Variants in GGTA1 observed in about 807,000 individuals in gnomAD.
GGTA1 encodes the protein glycoprotein alpha-galactosyltransferase 1 (inactive).
GGTA1 carries 5 observed loss-of-function variants against 2.6 expected under a neutral mutation model. The ratio of observed to expected loss-of-function variants is 1.92; its 90% CI spans 1.00 to 4.04. The LOEUF (loss-of-function observed/expected upper bound fraction) is 4.04. Among genes scored for constraint, GGTA1 ranks in the 30% most tolerant of loss-of-function variants. GGTA1 has a pLI of 0.00. For missense variants in GGTA1, 50 were observed against 16.7 expected, an observed-to-expected ratio of 2.99 and a Z score of -3.47; for synonymous variants, 17 against 5.0, an observed-to-expected ratio of 3.38 and a Z score of -3.19.
chr9:121,495,489 G>C (rs577834935), intron 1 of GGTA1, among the ~76,000 whole-genome samples: 1 of 152,270 alleles, frequency 6.6e-6, no homozygotes, highest in African/African-American at 2.4e-5. Context: ...GGAGGTTGCA[G>C]TGAGCTGAGA....
chr9:121,448,542 T>C (rs1289915445), intron 7 of GGTA1, among the ~76,000 whole-genome samples: 1 of 152,054 alleles, frequency 6.6e-6, no homozygotes, highest in Admixed American at 6.6e-5. Flanking sequence ...AACTACTTTA[T>C]CTTAAAAAAA....
chr9:121,498,051 T>C (rs992954737), intron 1 of GGTA1, among the ~76,000 whole-genome samples: 5 of 152,224 alleles, frequency 3.3e-5, no homozygotes, highest in Non-Finnish European at 7.3e-5. Flanking sequence ...CTGGATCAGG[T>C]TGGATCTGAG....
intron 1 of GGTA1, among the ~76,000 whole-genome samples, chr9:121,468,676 A>G (rs913907219): frequency 6.6e-6 from 1 of 152,216 alleles, no homozygotes; most frequent in Non-Finnish European, 1.5e-5. Flanking sequence ...ATCTAACTAG[A>G]GCTGAGGAGT....
chr9:121,493,267 C>A (rs74839495), intron 1 of GGTA1, among the ~76,000 whole-genome samples: 2 of 152,248 alleles, frequency 1.3e-5, no homozygotes, highest in East Asian at 3.9e-4. Flanking sequence ...CCCTGCTATG[C>A]CCCAGGGAAG....
exon 8 of GGTA1, chr9:121,445,132 A>C (rs1564648540): frequency 6.6e-6 from 1 of 152,238 alleles, no homozygotes; most frequent in Non-Finnish European, 1.5e-5. Flanking sequence ...ATTCCTTTAA[A>C]AGTAAACATT....
intron 1 of GGTA1, among the ~76,000 whole-genome samples, chr9:121,478,439 C>A (rs1828561718): frequency 6.6e-6 from 1 of 152,170 alleles, no homozygotes. Flanking sequence ...ACTGGGCATG[C>A]CCAGAAGTCT....
intron 1 of GGTA1, among the ~76,000 whole-genome samples, chr9:121,492,796 GC>G (rs968348179): frequency 2.0e-5 from 3 of 151,934 alleles, no homozygotes; most frequent in African/African-American, 7.3e-5. Context: ...TTTAAAGCAG[GC>G]CCCCCTGAAG....
At chr9:121,458,092 T>C (rs1301325301) in intron 5 of GGTA1, among the ~76,000 whole-genome samples, 1 of 151,576 alleles carries the variant, frequency 6.6e-6, no homozygotes, top group African/African-American at 2.4e-5. Context: ...TGTTTTGCAG[T>C]AGAGACGGGG....
At chr9:121,479,552 G>C (rs976266196) in intron 1 of GGTA1, among the ~76,000 whole-genome samples, 8 of 152,270 alleles carry the variant, frequency 5.3e-5, no homozygotes, top group Admixed American at 4.6e-4. Context: ...CCTAGTATGG[G>C]AGGAGGAAAG....
intron 1 of GGTA1, chr9:121,494,500 T>A (rs1324794935): frequency 1.3e-5 from 2 of 152,238 alleles, no homozygotes; most frequent in Non-Finnish European, 2.9e-5. Flanking sequence ...GAAAGGACTT[T>A]TAGAAGTAAT....
At chr9:121,468,721 C>A (rs1828311576) in intron 1 of GGTA1, among the ~76,000 whole-genome samples, 1 of 152,208 alleles carries the variant, frequency 6.6e-6, no homozygotes, top group African/African-American at 2.4e-5. Context: ...CCTGCAGTGG[C>A]AGATCATGCC....
At chr9:121,451,254 C>T (rs1284219118), downstream of GGTA1, among the ~76,000 whole-genome samples, 3 of 152,194 alleles carry the variant, frequency 2.0e-5, no homozygotes, top group African/African-American at 7.2e-5. Context: ...GGCGTGATCT[C>T]AGCTCACTGC....
chr9:121,494,047 G>A (rs1828936380), intron 1 of GGTA1, among the ~76,000 whole-genome samples: 1 of 151,890 alleles, frequency 6.6e-6, no homozygotes, highest in Non-Finnish European at 1.5e-5. Flanking sequence ...GTGAACCACC[G>A]CACCCAGCCG....
downstream of GGTA1, chr9:121,452,105 C>A (rs7873990): frequency 0.22 from 33,165 of 152,550 alleles, 4,284 homozygotes; most frequent in Middle Eastern, 0.3. Context: ...GACAGTGGAA[C>A]AAGAGACAGT....
At chr9:121,499,519 G>T (rs946021606) in intron 1 of GGTA1, 131 bp downstream of exon 1, 2 of 152,786 alleles carry the variant, frequency 1.3e-5, no homozygotes, top group Admixed American at 1.3e-4. Flanking sequence ...ACACAGGCAG[G>T]GCAGACACCG....
At chr9:121,464,738 T>C (rs577499865) in intron 2 of GGTA1, among the ~76,000 whole-genome samples, 1 of 152,242 alleles carries the variant, frequency 6.6e-6, no homozygotes. Flanking sequence ...CATGAATATT[T>C]CATCATAATT....
intron 1 of GGTA1, among the ~76,000 whole-genome samples, chr9:121,475,636 T>C (rs1193554382): frequency 6.6e-6 from 1 of 152,212 alleles, no homozygotes; most frequent in Non-Finnish European, 1.5e-5. Context: ...GTGCTCCAGA[T>C]GGTTTTTGGA....
chr9:121,464,061 A>G (rs1041015847), intron 2 of GGTA1, among the ~76,000 whole-genome samples: 4 of 152,170 alleles, frequency 2.6e-5, no homozygotes, highest in African/African-American at 9.7e-5. Flanking sequence ...CCAACTTTTC[A>G]TATCTCCTCA....
intron 1 of GGTA1, among the ~76,000 whole-genome samples, chr9:121,486,360 G>A (rs1447327868): frequency 6.6e-6 from 1 of 152,234 alleles, no homozygotes; most frequent in Non-Finnish European, 1.5e-5. Context: ...GAGGTCCGCA[G>A]TGCACAATGA....
Sources: allele counts gnomAD v4.1 joint callset (sites outside exome capture counted in the v4.1 genomes callset), GRCh38; gene constraint gnomAD v4.1.1; transcripts MANE v1.5; gene names NCBI Gene and HGNC (gene_info 2026-07-23, HGNC 2026-07-21).